SNRPN: variants seen among roughly 807,000 people sequenced by gnomAD.
The protein encoded by SNRPN is small nuclear ribonucleoprotein-associated protein N.
SNRPN carries 7 observed loss-of-function variants against 25.2 expected under a neutral mutation model. That is an observed-to-expected ratio of 0.28 (90% CI 0.16 to 0.52). The LOEUF (loss-of-function observed/expected upper bound fraction) is 0.52, where lower values mean the gene tolerates loss of function less well. SNRPN is among the 20% of genes least tolerant of loss of function. SNRPN has a pLI of 0.96. For synonymous variants in SNRPN, 124 were observed against 110.6 expected, an observed-to-expected ratio of 1.12 and a Z score of -0.76; for missense variants, 196 against 322.5, an observed-to-expected ratio of 0.61 and a Z score of 3.00.
At chr15:24,945,832 A>G (rs1015040305) in intron 3 of SNRPN, among the ~76,000 whole-genome samples, 3 of 152,118 alleles carry the variant, frequency 2.0e-5, no homozygotes, top group Non-Finnish European at 4.4e-5. Flanking sequence ...GGAGAGGAGA[A>G]ATTCAGCAAA....
At chr15:24,880,414 C>T (rs1292407413) in intron 1 of SNRPN, among the ~76,000 whole-genome samples, 1 of 152,094 alleles carries the variant, frequency 6.6e-6, no homozygotes, top group Non-Finnish European at 1.5e-5. Flanking sequence ...TGGGTTTCTG[C>T]CTGTCTTAAA....
intron 3 of SNRPN, among the ~76,000 whole-genome samples, chr15:24,933,706 G>A (rs1383361312): frequency 6.6e-6 from 1 of 152,220 alleles, no homozygotes; most frequent in Admixed American, 6.5e-5. Context: ...CTGACTTACA[G>A]GTATAAGGAG....
intron 2 of SNRPN, among the ~76,000 whole-genome samples, chr15:24,891,308 G>A (rs931207475): frequency 2.0e-5 from 3 of 152,004 alleles, no homozygotes; most frequent in Non-Finnish European, 4.4e-5. Context: ...TAATATTCGG[G>A]TTAATTTCTG....
chr15:24,834,749 C>CTATATATATATATA (rs1416978769), intron 2 of SNRPN, among the ~76,000 whole-genome samples: 5 of 63,080 alleles, frequency 7.9e-5, no homozygotes, highest in Non-Finnish European at 1.5e-4. Context: ...CTCTCTCTCT[C>CTATATATATATATA]TCTATATATA....
At chr15:24,835,916 C>T (rs1053190849) in intron 2 of SNRPN, among the ~76,000 whole-genome samples, 1 of 151,992 alleles carries the variant, frequency 6.6e-6, no homozygotes, top group Admixed American at 6.5e-5. Context: ...CTTCCCTCTT[C>T]GGCCTCCCAA....
chr15:24,883,890 C>G (rs985137215), intron 1 of SNRPN, among the ~76,000 whole-genome samples: 1 of 151,312 alleles, frequency 6.6e-6, no homozygotes, highest in Non-Finnish European at 1.5e-5. Context: ...CCTGTAGTCT[C>G]AGCTACTCGG....
chr15:24,824,375 C>T (rs1179027633), intron 1 of SNRPN, among the ~76,000 whole-genome samples: 1 of 152,048 alleles, frequency 6.6e-6, no homozygotes, highest in Admixed American at 6.5e-5. Flanking sequence ...TTCTCCTTAC[C>T]CAAAAGCTAT....
intron 1 of SNRPN, among the ~76,000 whole-genome samples, chr15:24,955,441 C>T (rs759356542): frequency 2.6e-5 from 4 of 151,382 alleles, no homozygotes; most frequent in Non-Finnish European, 4.4e-5. Flanking sequence ...GGCGAGGGTA[C>T]GTGGGGGGAC....
At chr15:24,911,869 T>C (rs1157207726) in intron 2 of SNRPN, among the ~76,000 whole-genome samples, 3 of 152,216 alleles carry the variant, frequency 2.0e-5, no homozygotes, top group African/African-American at 7.2e-5. Flanking sequence ...CCTGAGTTCC[T>C]AGACCCAGAC....
Position 24,967,886 on chromosome 15 carries a change from G to A in SNRPN, c.-294-46G>A, listed in dbSNP as rs752846196. On this transcript the variant is annotated intron_variant, in intron 2 of 9. Coordinates refer to ENST00000390687, the MANE Select transcript of SNRPN (RefSeq NM_003097.6). ...TTTCTTTCATATGGTTTCCTATAAAGACAAATGTATTTTTATCATTTATAT... is the reference window on the plus strand; with the variant it reads ...TTTCTTTCATATGGTTTCCTATAAAAACAAATGTATTTTTATCATTTATAT... 3 of 1,450,384 alleles carry A rather than the reference G, an allele frequency of 2.1e-6. No homozygotes were observed. In the East Asian group the frequency reaches 7.4e-5, roughly 36 times the overall value. The allele number at this position is 1,450,384 out of a possible 1,614,324, so 89.8% of individuals were successfully genotyped here.
At chr15:24,887,917 G>A (rs997008458) in intron 2 of SNRPN, among the ~76,000 whole-genome samples, 2 of 152,078 alleles carry the variant, frequency 1.3e-5, no homozygotes, top group African/African-American at 4.8e-5. Flanking sequence ...GGACTGACCT[G>A]AGGACTTATA....
chr15:24,920,297 A>G lies in SNRPN; in HGVS notation c.-391+173A>G, dbSNP rs970345496. 6.6e-5 allele frequency among the ~76,000 whole-genome samples: 10 copies of G among 152,090 alleles called. 1 individual carries two copies. Among genetic ancestry groups the G allele is most frequent in the Non-Finnish European group, 4.4e-5 (3 of 68,032 alleles). On this transcript the variant is annotated intron_variant, in intron 3 of 11. Transcript: ENST00000400097. ...TTCATTTTAATTACGATTTAACTGC[A>G]TAATTTAATTATTTCCCCATTTTTT...
chr15:24,915,039 T>C (rs547409241), intron 2 of SNRPN, among the ~76,000 whole-genome samples: 3 of 152,250 alleles, frequency 2.0e-5, no homozygotes, highest in African/African-American at 7.2e-5. Context: ...AGAGTGGTCA[T>C]GTATCACTTG....
At chr15:24,928,284 A>G (rs112537361) in intron 3 of SNRPN, among the ~76,000 whole-genome samples, 1,946 of 152,272 alleles carry the variant, frequency 0.013, 49 homozygotes, top group African/African-American at 0.045. Flanking sequence ...TCTTGTGTTC[A>G]TTGCAGCATT....
rs1357716589 is a variant in SNRPN at position 24,978,518 on chromosome 15, CT to C, written c.*79del. The C allele has an allele frequency of 3.0e-6, 4 of 1,323,076 alleles. No homozygotes were observed. In the African/African-American group the frequency reaches 4.4e-5, roughly 14 times the overall value. The allele number at this position is 1,323,076 out of a possible 1,614,324, so 82.0% of individuals were successfully genotyped here. Reference sequence around the variant, plus strand: ...TGAAATTGTGTAGAGTGTTTGTGAGCTTTTTGTTCCCTCATTCTGCATTAAT... The same window carrying C: ...TGAAATTGTGTAGAGTGTTTGTGAGCTTTTGTTCCCTCATTCTGCATTAAT... On this transcript the variant is annotated 3_prime_UTR_variant, in exon 10 of 10. Coordinates refer to ENST00000390687, the MANE Select transcript of SNRPN (RefSeq NM_003097.6).
chr15:24,864,082 C>A (rs1373190015), intron 1 of SNRPN, among the ~76,000 whole-genome samples: 4 of 147,154 alleles, frequency 2.7e-5, no homozygotes, highest in Non-Finnish European at 4.4e-5. Context: ...GCTGGAGTGC[C>A]ATGGCGTGAA....
intron 1 of SNRPN, among the ~76,000 whole-genome samples, chr15:24,871,074 G>T (rs35815647): frequency 0.25 from 37,751 of 151,560 alleles, 5,082 homozygotes; most frequent in Middle Eastern, 0.36. Context: ...GCAGAGATGG[G>T]GTTTCACTAT....
At chr15:24,971,932 G>A (rs1224601298) in intron 3 of SNRPN, among the ~76,000 whole-genome samples, 1 of 152,160 alleles carries the variant, frequency 6.6e-6, no homozygotes, top group Non-Finnish European at 1.5e-5. Flanking sequence ...TTGGATGGCT[G>A]AAGGTCCCAA....
chr15:24,835,992 C>G (rs1202334805), intron 2 of SNRPN, among the ~76,000 whole-genome samples: 1 of 152,008 alleles, frequency 6.6e-6, no homozygotes, highest in African/African-American at 2.4e-5. Context: ...TATGCTACGG[C>G]TACCATAACA....
Sources: allele counts gnomAD v4.1 joint callset (sites outside exome capture counted in the v4.1 genomes callset), GRCh38; gene constraint gnomAD v4.1.1; transcripts MANE v1.5; gene names NCBI Gene and HGNC (gene_info 2026-07-23, HGNC 2026-07-21).